MARK2: variants seen among roughly 807,000 people sequenced by gnomAD.
The protein encoded by MARK2 is serine/threonine-protein kinase MARK2.
Under a neutral mutation model 89.8 loss-of-function variants are expected in MARK2, and 16 were observed. The observed-to-expected ratio is 0.18, with a 90% CI of 0.12 to 0.27. MARK2 has a LOEUF of 0.27. Among genes scored for constraint, MARK2 ranks in the 10% least tolerant of loss-of-function variants. The pLI is 1.00. For synonymous variants in MARK2, 382 were observed against 399.5 expected (o/e 0.96, Z 0.52); for missense variants, 621 against 1,049.9 (o/e 0.59, Z 5.65).
At chr11:63,865,534 A>G (rs1938081688) in intron 1 of MARK2, among the ~76,000 whole-genome samples, 1 of 152,194 alleles carries the variant, frequency 6.6e-6, no homozygotes, top group African/African-American at 2.4e-5. Context: ...CTATTCACTC[A>G]GGTGTTCTTT....
chr11:63,861,005 C>T (rs143902616), intron 1 of MARK2, among the ~76,000 whole-genome samples: 289 of 152,306 alleles, frequency 1.9e-3, no homozygotes, highest in African/African-American at 6.7e-3. Flanking sequence ...TCCCATCACT[C>T]AGCAAGTCCC....
At chr11:63,906,362 G>A (rs1005107762) in intron 17 of MARK2, among the ~76,000 whole-genome samples, 3 of 152,204 alleles carry the variant, frequency 2.0e-5, no homozygotes, top group Non-Finnish European at 4.4e-5. Context: ...GGCCCACTCA[G>A]GGCAAATGGC....
intron 1 of MARK2, among the ~76,000 whole-genome samples, chr11:63,869,545 C>T (rs950237394): frequency 6.6e-6 from 1 of 151,906 alleles, no homozygotes; most frequent in South Asian, 2.1e-4. Context: ...TGGGAGGGGC[C>T]GGGAGCTTGT....
intron 1 of MARK2, among the ~76,000 whole-genome samples, chr11:63,852,543 A>G (rs2016623823): frequency 6.6e-6 from 1 of 152,012 alleles, no homozygotes; most frequent in African/African-American, 2.4e-5. Context: ...GTTGGCTTAA[A>G]AAAGGGAGAT....
intron 1 of MARK2, among the ~76,000 whole-genome samples, chr11:63,862,025 G>A (rs945995538): frequency 1.3e-5 from 2 of 150,854 alleles, no homozygotes; most frequent in African/African-American, 4.9e-5. Flanking sequence ...CTGGGTTCAA[G>A]CAATTCTCCT....
intron 1 of MARK2, among the ~76,000 whole-genome samples, chr11:63,885,486 C>A (rs934873975): frequency 6.6e-6 from 1 of 151,962 alleles, no homozygotes; most frequent in African/African-American, 2.4e-5. Context: ...TTGTAGTGAG[C>A]CAAGATCGTG....
At chr11:63,881,613 G>C (rs1355949720) in intron 1 of MARK2, among the ~76,000 whole-genome samples, 1 of 152,032 alleles carries the variant, frequency 6.6e-6, no homozygotes, top group Non-Finnish European at 1.5e-5. Flanking sequence ...GCTCTCATCT[G>C]TCAGAGCATG....
rs1939563957 is a variant in MARK2, at chr11:63,888,662, C to T, written c.55-6497C>T. On this transcript the variant is annotated intron_variant, in intron 1 of 18. Coordinates refer to ENST00000402010, the MANE Select transcript of MARK2 (RefSeq NM_001039469.3). ...TCTGGCCCTTGAGAAGCCAGCGGGG[C>T]TTTGTCCCTGTTGCTCTCCTTGCCA... 3.4e-6 allele frequency: 4 copies of T among 1,176,358 alleles called. No individual in the cohort carries two copies. In the Admixed American group the frequency reaches 1.1e-4, roughly 33 times the overall value. The allele number at this position is 1,176,358 out of a possible 1,614,324, so 72.9% of individuals were successfully genotyped here.
Position 63,903,237 on chromosome 11 carries a change from C to T in MARK2, c.1514+79C>T. 1 of 1,097,560 alleles carries T rather than the reference C, an allele frequency of 9.1e-7. No individual in the cohort carries two copies. Among genetic ancestry groups the T allele is most frequent in the Non-Finnish European group, 1.4e-6 (1 of 722,220 alleles). The allele number at this position is 1,097,560 out of a possible 1,614,324, so 68.0% of individuals were successfully genotyped here. Reference sequence around the variant, plus strand: ...GTGATGTCTGTCAGCAGCACCGTCTCCTGTCCCTGCCAGCGCATTGCTCCC... The same window carrying T: ...GTGATGTCTGTCAGCAGCACCGTCTTCTGTCCCTGCCAGCGCATTGCTCCC... On this transcript the variant is annotated intron_variant, in intron 14 of 18. Transcript: ENST00000402010. The surrounding 1 kb of genome is among the most constrained non-coding windows in gnomAD (Gnocchi z 5.1).
intron 16 of MARK2, 23 bp downstream of exon 16, chr11:63,905,066 CAGAG>C: frequency 6.7e-7 from 1 of 1,490,734 alleles, no homozygotes; most frequent in African/African-American, 1.4e-5. Flanking sequence ...CTTTGGGTGG[CAGAG>C]AGGCTCAGGC....
At chr11:63,883,012 C>T (rs1029288778) in intron 1 of MARK2, among the ~76,000 whole-genome samples, 5 of 152,162 alleles carry the variant, frequency 3.3e-5, no homozygotes, top group South Asian at 4.1e-4. Context: ...GGCAGGCTGG[C>T]TCTCCTGTGA....
At chr11:63,876,436 A>G (rs1938759706) in intron 1 of MARK2, among the ~76,000 whole-genome samples, 1 of 152,188 alleles carries the variant, frequency 6.6e-6, no homozygotes. Context: ...GATGGTGTGG[A>G]TATTTTGTAA....
intron 1 of MARK2, among the ~76,000 whole-genome samples, chr11:63,889,616 G>A (rs141772395): frequency 1.8e-4 from 27 of 152,386 alleles, no homozygotes; most frequent in Non-Finnish European, 2.9e-4. Context: ...GACAGGCCCA[G>A]TGGATGCAAA....
intron 17 of MARK2, among the ~76,000 whole-genome samples, chr11:63,907,383 G>C (rs1383515799): frequency 6.6e-6 from 1 of 152,218 alleles, no homozygotes; most frequent in Non-Finnish European, 1.5e-5. Flanking sequence ...CAGTGCGCTT[G>C]TGTGCACCCC....
chr11:63,909,057 G>T lies in MARK2; in HGVS notation c.2187G>T (p.Glu729Asp). The change falls in exon 19 of 19, where the codon GAG (glutamate) becomes GAT (aspartate). Residue 729 changes from glutamate (E) to aspartate (D), a missense_variant. Glu to Asp is a conservative substitution (Grantham distance 45, BLOSUM62 2). Around this residue, in one of 5 missense-constraint regions of MARK2, gnomAD observed 49 missense variants for 46.7 expected, o/e 1.05. Transcript: ENST00000402010. ...ACAGCTGCCAGAGCGAGCTGCATGAGAAGTACATGCTGCTGTGCATGCACG... is the reference window on the plus strand; with the variant it reads ...ACAGCTGCCAGAGCGAGCTGCATGATAAGTACATGCTGCTGTGCATGCACG... ...DANSCQSELH[E>D]KYMLLCMHGT... The T allele has an allele frequency of 6.2e-7, 1 of 1,607,028 alleles. No homozygotes were observed. The highest frequency in any genetic ancestry group is 8.5e-7 in the Non-Finnish European group (1 of 1,174,194).
Position 63,895,144 on chromosome 11 carries a change from G to A in MARK2, c.55-15G>A, listed in dbSNP as rs1441642938. On this transcript the variant is annotated splice_polypyrimidine_tract_variant and intron_variant, in intron 1 of 18. Transcript: ENST00000402010. ...AAGTGTGGCATGTAATGGTATCTCT[G>A]TTTCCACCCCGCAGCCCACCTTGGG... The A allele has an allele frequency of 1.2e-6, 2 of 1,608,580 alleles. No individual in the cohort carries two copies. The highest frequency in any genetic ancestry group is 1.7e-6 in the Non-Finnish European group (2 of 1,176,434).
chr11:63,898,137 GT>G, intron 3 of MARK2, 94 bp from the exon 4 acceptor site: 2 of 1,117,590 alleles, frequency 1.8e-6, no homozygotes, highest in Non-Finnish European at 1.3e-6. Context: ...CCCGGTTTTG[GT>G]TTTTTGGGAA....
intron 1 of MARK2, among the ~76,000 whole-genome samples, chr11:63,866,339 A>G (rs1470958132): frequency 6.7e-6 from 1 of 148,666 alleles, no homozygotes; most frequent in African/African-American, 2.6e-5. Context: ...GCAATAAAGC[A>G]AGACTCAGTC....
chr11:63,895,466 G>T, intron 2 of MARK2, 114 bp from the exon 3 acceptor site: 1 of 1,423,548 alleles, frequency 7.0e-7, no homozygotes, highest in South Asian at 1.1e-5. Context: ...AGATATAGGG[G>T]TGCAAAAAGC....
Sources: gnomAD v4.1 joint callset for allele counts (sites outside exome capture counted in the v4.1 genomes callset) on GRCh38, gnomAD v4.1.1 for gene constraint, gnomAD v4.1.1 regional missense constraint, Gnocchi (gnomAD v3.1) non-coding constraint, MANE v1.5 for transcripts, NCBI Gene and HGNC (gene_info 2026-07-23, HGNC 2026-07-21) for gene names.